Variants in NALCN observed in about 807,000 individuals in gnomAD.
The protein encoded by NALCN is sodium leak channel, non-selective, also known as sodium leak channel NALCN.
Under a neutral mutation model 225.3 loss-of-function variants are expected in NALCN, and 111 were observed. That is an observed-to-expected ratio of 0.49 (90% CI 0.42 to 0.58). The LOEUF (loss-of-function observed/expected upper bound fraction) is 0.58, where lower values mean the gene tolerates loss of function less well. Among genes scored for constraint, NALCN ranks in the 20% least tolerant of loss-of-function variants. The probability of loss-of-function intolerance (pLI) is 0.00; values close to 1 mark genes in which losing one functional copy is unlikely to be tolerated. For synonymous variants in NALCN, 764 were observed against 769.0 expected, an observed-to-expected ratio of 0.99 and a Z score of 0.11; for missense variants, 1,378 against 2,202.4, an observed-to-expected ratio of 0.63 and a Z score of 7.49.
At chr13:101,300,174 T>C (rs2043900232) in intron 7 of NALCN, among the ~76,000 whole-genome samples, 1 of 152,142 alleles carries the variant, frequency 6.6e-6, no homozygotes, top group African/African-American at 2.4e-5. Flanking sequence ...AGGTGCATCC[T>C]GAATTGCAGA....
chr13:101,415,196 A>G (rs547169352), intron 1 of NALCN, among the ~76,000 whole-genome samples: 3 of 61,970 alleles, frequency 4.8e-5, no homozygotes, highest in East Asian at 2.8e-4. Flanking sequence ...TTATGAACAT[A>G]CAAATCACAC....
At chr13:101,062,854 C>T (rs2032066845) in intron 40 of NALCN, among the ~76,000 whole-genome samples, 1 of 152,196 alleles carries the variant, frequency 6.6e-6, no homozygotes, top group South Asian at 2.1e-4. Context: ...CCACCTGCCT[C>T]AGCCTCCCAA....
intron 18 of NALCN, among the ~76,000 whole-genome samples, chr13:101,120,500 A>G (rs945573094): frequency 6.8e-6 from 1 of 147,638 alleles, no homozygotes; most frequent in African/African-American, 2.6e-5. Flanking sequence ...ACTCTACCCA[A>G]TGGGGATCAA....
intron 18 of NALCN, among the ~76,000 whole-genome samples, chr13:101,121,546 C>T (rs780215212): frequency 7.9e-5 from 12 of 151,982 alleles, no homozygotes; most frequent in Admixed American, 1.3e-4. Context: ...ACCTCCCTGG[C>T]GAGGAACCTC....
intron 6 of NALCN, among the ~76,000 whole-genome samples, chr13:101,360,189 C>CTCTCTCTCT (rs2046204054): frequency 2.2e-5 from 2 of 89,240 alleles, no homozygotes; most frequent in Non-Finnish European, 4.6e-5. Flanking sequence ...TTCCTCTCTT[C>CTCTCTCTCT]CTCTCTCTCT....
At chr13:101,386,272 A>T (rs1472137724) in intron 3 of NALCN, among the ~76,000 whole-genome samples, 2 of 152,190 alleles carry the variant, frequency 1.3e-5, no homozygotes, top group African/African-American at 4.8e-5. Flanking sequence ...AGTGAAAGAG[A>T]AGTGCCTATT....
chr13:101,101,223 A>T (rs1324298660), intron 26 of NALCN, among the ~76,000 whole-genome samples: 1 of 151,434 alleles, frequency 6.6e-6, no homozygotes, highest in African/African-American at 2.4e-5. Flanking sequence ...AAAATGTTTA[A>T]GTAATTATAT....
Position 101,099,831 on chromosome 13 carries a change from A to T in NALCN, c.3162+953T>A, listed in dbSNP as rs535972873. Among the ~76,000 whole-genome samples, 5 of 152,264 alleles carry T rather than the reference A, an allele frequency of 3.3e-5. No homozygotes were observed. In the East Asian group the frequency reaches 9.7e-4, roughly 29 times the overall value. On this transcript the variant is annotated intron_variant, in intron 27 of 43. Coordinates refer to ENST00000251127, the MANE Select transcript of NALCN (RefSeq NM_052867.4). The stretch of plus-strand genomic sequence containing the variant: ...GCTCATTGAAGAAGGCTCTGAAGAC[A>T]TGGCAAAGGGTGGCGGCATAGGATA...
intron 15 of NALCN, among the ~76,000 whole-genome samples, chr13:101,151,972 A>C (rs958086161): frequency 5.9e-4 from 90 of 152,332 alleles, no homozygotes; most frequent in African/African-American, 2.1e-3. Context: ...CAACCAAGTC[A>C]AATTAGTGCA....
At chr13:101,288,607 G>A (rs953381975) in intron 9 of NALCN, among the ~76,000 whole-genome samples, 1 of 152,066 alleles carries the variant, frequency 6.6e-6, no homozygotes, top group African/African-American at 2.4e-5. Context: ...GTTAATTAGG[G>A]GATATTAATT....
chr13:101,376,875 T>C (rs775324304), intron 5 of NALCN, 42 bp downstream of exon 5: 1 of 1,612,920 alleles, frequency 6.2e-7, no homozygotes, highest in South Asian at 1.1e-5. Context: ...ACAAAAAACT[T>C]CATAAACTTT....
intron 17 of NALCN, among the ~76,000 whole-genome samples, chr13:101,127,177 C>A (rs1488297805): frequency 1.3e-5 from 2 of 152,138 alleles, no homozygotes; most frequent in Non-Finnish European, 2.9e-5. Flanking sequence ...TGATTTCTGC[C>A]CTGCACAAGA....
chr13:101,096,831 T>C (rs2034532896), intron 27 of NALCN, among the ~76,000 whole-genome samples: 2 of 152,214 alleles, frequency 1.3e-5, no homozygotes, highest in African/African-American at 4.8e-5. Context: ...TCTTTGGCTA[T>C]GATGGTCATA....
chr13:101,307,142 T>G (rs1394402476), intron 7 of NALCN, among the ~76,000 whole-genome samples: 6 of 152,176 alleles, frequency 3.9e-5, no homozygotes, highest in African/African-American at 1.4e-4. Flanking sequence ...ATTATGGAGA[T>G]CCTTGGGTGC....
chr13:101,342,863 T>C (rs2045600952), intron 7 of NALCN, among the ~76,000 whole-genome samples: 1 of 152,198 alleles, frequency 6.6e-6, no homozygotes, highest in East Asian at 1.9e-4. Flanking sequence ...TTTGAATTTT[T>C]CAACATCATC....
chr13:101,153,936 T>C (rs1452109277), intron 15 of NALCN, among the ~76,000 whole-genome samples: 3 of 152,274 alleles, frequency 2.0e-5, no homozygotes, highest in East Asian at 3.9e-4. Flanking sequence ...CTCTAACCTG[T>C]AGGTCTGTGC....
chr13:101,351,286 G>C (rs1243211116), intron 6 of NALCN, among the ~76,000 whole-genome samples: 1 of 152,110 alleles, frequency 6.6e-6, no homozygotes, highest in East Asian at 1.9e-4. Flanking sequence ...TCTGGCTTTA[G>C]TAGCTTCCAT....
In NALCN at chr13:101,104,438, A is replaced by T. The variant is rs373002374; in HGVS notation, c.2758-12T>A. ...ACATACTCAGCAATCTGAAACGGGC[A>T]AAAGGCAGTTTGGTTACAATGAACG... is the stretch of plus-strand genomic sequence containing the variant. On this transcript the variant is annotated splice_polypyrimidine_tract_variant and intron_variant, in intron 24 of 43. Coordinates refer to ENST00000251127, the MANE Select transcript of NALCN (RefSeq NM_052867.4). The surrounding 1 kb of genome is among the most constrained non-coding windows in gnomAD (Gnocchi z 4.2). 16 of 1,612,710 alleles carry T rather than the reference A, an allele frequency of 9.9e-6. No homozygotes were observed. Among genetic ancestry groups the T allele is most frequent in the Non-Finnish European group, 1.4e-5 (16 of 1,179,016 alleles).
At chr13:101,074,751 A>C in intron 35 of NALCN, 89 bp from the exon 36 acceptor site, 1 of 1,432,442 alleles carries the variant, frequency 7.0e-7, no homozygotes, top group Non-Finnish European at 9.3e-7. Flanking sequence ...AGAATATTCA[A>C]TCTATTAAGC....
Sources: gnomAD v4.1 joint callset for allele counts (sites outside exome capture counted in the v4.1 genomes callset) on GRCh38, gnomAD v4.1.1 for gene constraint, Gnocchi (gnomAD v3.1) non-coding constraint, MANE v1.5 for transcripts, NCBI Gene and HGNC (gene_info 2026-07-23, HGNC 2026-07-21) for gene names.